BTNL8: variants seen among roughly 807,000 people sequenced by gnomAD.
The protein encoded by BTNL8 is butyrophilin-like protein 8.
BTNL8 carries 22 observed loss-of-function variants against 36.1 expected under a neutral mutation model. That is an observed-to-expected ratio of 0.61 (90% CI 0.44 to 0.87). The LOEUF (loss-of-function observed/expected upper bound fraction) is 0.87, where lower values mean the gene tolerates loss of function less well. Among genes scored for constraint, BTNL8 ranks in the 40% least tolerant of loss-of-function variants. The probability of loss-of-function intolerance (pLI) is 0.00; values close to 1 mark genes in which losing one functional copy is unlikely to be tolerated. For missense variants in BTNL8, 526 were observed against 616.9 expected, an observed-to-expected ratio of 0.85 and a Z score of 1.56; for synonymous variants, 203 against 235.6, an observed-to-expected ratio of 0.86 and a Z score of 1.27.
intron 3 of BTNL8, among the ~76,000 whole-genome samples, chr5:180,946,496 A>G (rs1759256456): frequency 6.6e-6 from 1 of 152,212 alleles, no homozygotes; most frequent in Non-Finnish European, 1.5e-5. Flanking sequence ...CATTATGCTA[A>G]GTGAAATAAG....
At chr5:180,931,863 G>A (rs1358304725) in intron 3 of BTNL8, among the ~76,000 whole-genome samples, 1 of 152,184 alleles carries the variant, frequency 6.6e-6, no homozygotes, top group Non-Finnish European at 1.5e-5. Context: ...ATTGGTGGAA[G>A]TGTAAATTAG....
chr5:180,927,881 G>A (rs1174450129), intron 3 of BTNL8, among the ~76,000 whole-genome samples: 1 of 152,148 alleles, frequency 6.6e-6, no homozygotes. Context: ...AAGTGACGGG[G>A]AGAATGGAAC....
chr5:180,949,395 G>A (rs1372839214), intron 7 of BTNL8, 130 bp downstream of exon 7: 2 of 1,326,508 alleles, frequency 1.5e-6, no homozygotes, highest in African/African-American at 1.4e-5. Context: ...GGAGAAACTG[G>A]ATGCTTGATC....
chr5:180,900,418 A>C (rs1308872068), intron 1 of BTNL8, among the ~76,000 whole-genome samples: 1 of 152,228 alleles, frequency 6.6e-6, no homozygotes, highest in African/African-American at 2.4e-5. Context: ...GAGTGCACAC[A>C]GCTGCACGGG....
rs1342397983 is a variant in BTNL8, at chr5:180,899,444, A to T, written c.49+85A>T. 2.1e-6 allele frequency: 3 copies of T among 1,455,126 alleles called. No homozygotes were observed. In the African/African-American group the frequency reaches 4.2e-5, roughly 20 times the overall value. 90.1% of individuals were successfully genotyped at this position (1,455,126 alleles called of 1,614,324 possible). ...GGTTGCAGCATAATGGAATGAAGGC[A>T]TCTTTGTCGTTTCCATTCCTTTGGC... On this transcript the variant is annotated intron_variant, in intron 1 of 7. Coordinates refer to ENST00000340184, the MANE Select transcript of BTNL8 (RefSeq NM_001040462.3).
chr5:180,947,900 G>T, intron 4 of BTNL8: 3 of 1,159,712 alleles, frequency 2.6e-6, no homozygotes, highest in Non-Finnish European at 3.6e-6. Context: ...AATTTTCCAT[G>T]AACACCACCA....
At chr5:180,903,309 G>A (rs1344883727) in intron 1 of BTNL8, among the ~76,000 whole-genome samples, 1 of 114,632 alleles carries the variant, frequency 8.7e-6, no homozygotes, top group African/African-American at 4.6e-5. Context: ...TTTTTTGGCT[G>A]CATAAATGTC....
chr5:180,931,203 A>G (rs1478762491), intron 3 of BTNL8, among the ~76,000 whole-genome samples: 2 of 152,232 alleles, frequency 1.3e-5, no homozygotes, highest in African/African-American at 4.8e-5. Context: ...AAAATAAGCA[A>G]TGGGGGAAGG....
At chr5:180,920,697 A>G (rs1757825126) in intron 3 of BTNL8, among the ~76,000 whole-genome samples, 1 of 152,118 alleles carries the variant, frequency 6.6e-6, no homozygotes, top group South Asian at 2.1e-4. Flanking sequence ...TATACCTGAT[A>G]AAGAGTTAAT....
intron 3 of BTNL8, among the ~76,000 whole-genome samples, chr5:180,921,410 T>C (rs1757853645): frequency 6.6e-6 from 1 of 151,832 alleles, no homozygotes; most frequent in Admixed American, 6.6e-5. Context: ...AAGCCAGACA[T>C]AAAAATGATC....
intron 1 of BTNL8, among the ~76,000 whole-genome samples, chr5:180,901,204 A>C (rs1428210417): frequency 6.6e-6 from 1 of 152,268 alleles, no homozygotes; most frequent in African/African-American, 2.4e-5. Flanking sequence ...AAATGTAATT[A>C]AACTAAAAAA....
chr5:180,931,612 G>GA (rs1234229320), intron 3 of BTNL8, among the ~76,000 whole-genome samples: 6 of 151,170 alleles, frequency 4.0e-5, no homozygotes, highest in East Asian at 1.9e-4. Flanking sequence ...AAATTTCCAA[G>GA]AAAAAAAACA....
At chr5:180,930,974 A>G (rs1758346795) in intron 3 of BTNL8, among the ~76,000 whole-genome samples, 1 of 152,198 alleles carries the variant, frequency 6.6e-6, no homozygotes, top group African/African-American at 2.4e-5. Flanking sequence ...TAAAGTTCAT[A>G]TGGAACCACA....
Position 180,908,701 on chromosome 5 carries a change from C to T in BTNL8, c.165C>T (p.Phe55=). 6.2e-7 allele frequency: 1 copy of T among 1,614,218 alleles called. No individual in the cohort carries two copies. The highest frequency in any genetic ancestry group is 8.5e-7 in the Non-Finnish European group (1 of 1,180,034). The change falls in exon 2 of 8, where the codon TTC becomes TTT. Residue 55 remains phenylalanine (F), a synonymous_variant. Transcript: ENST00000340184. ...ATGCAGAGGCCATGGAAGTGCGGTT[C>T]TTCAGGGGCCAGTTCTCTAGCGTGG... is the stretch of plus-strand genomic sequence containing the variant. ...KTNAEAMEVR[F]FRGQFSSVVH... is the part of the protein sequence containing the mutation.
chr5:180,949,479 A>G lies in BTNL8; in HGVS notation c.862+214A>G. The G allele has an allele frequency of 2.6e-6, 2 of 764,578 alleles. 1 individual carries two copies. Among genetic ancestry groups the G allele is most frequent in the Non-Finnish European group, 3.9e-6 (2 of 509,454 alleles). The allele number at this position is 764,578 out of a possible 1,614,324, so 47.4% of individuals were successfully genotyped here. A position where few individuals can be genotyped will look rare whatever the true frequency, so the allele number is the denominator to read the frequency against. On this transcript the variant is annotated intron_variant, in intron 7 of 7. Coordinates refer to ENST00000340184, the MANE Select transcript of BTNL8 (RefSeq NM_001040462.3). ...GAAGGGGAGAAGACAGGGGCTGGGT[A>G]AACGGGAGACGGGGGGGTCTTTGGC... is the stretch of plus-strand genomic sequence containing the variant.
Position 180,911,416 on chromosome 5 carries a change from T to C in BTNL8, c.475T>C (p.Trp159Arg). Reference sequence around the variant, plus strand: ...CCAGCTACTCTGTCAGTCCTCGGGCTGGTTCCCCCGGCCCACAGCGAAGTG... The same window carrying C: ...CCAGCTACTCTGTCAGTCCTCGGGCCGGTTCCCCCGGCCCACAGCGAAGTG... Reference protein sequence around the residue: ...DIQLLCQSSGWFPRPTAKWKG... With the variant: ...DIQLLCQSSGRFPRPTAKWKG... Residue 159 changes from tryptophan (W) to arginine (R), a missense_variant, in exon 3 of 8, where the codon TGG becomes CGG. This residue lies in a region of BTNL8 where 350 missense variants were observed against 324.6 expected (regional missense o/e 1.08). Transcript: ENST00000340184. 6.2e-7 allele frequency: 1 copy of C among 1,614,246 alleles called. No homozygotes were observed. Among genetic ancestry groups the C allele is most frequent in the South Asian group, 1.1e-5 (1 of 91,090 alleles).
At chr5:180,941,454 G>A (rs1285125467) in intron 3 of BTNL8, among the ~76,000 whole-genome samples, 3 of 152,148 alleles carry the variant, frequency 2.0e-5, no homozygotes, top group Non-Finnish European at 4.4e-5. Flanking sequence ...CATGAGGACA[G>A]TATTATCCTG....
At position 180,950,407 on chromosome 5, in the gene BTNL8, C is replaced by T. The variant is rs375876659; in HGVS notation, c.1366C>T (p.Pro456Ser). The change falls in exon 8 of 8, where the codon CCC (proline) becomes TCC (serine). Residue 456 changes from proline (P) to serine (S), a missense_variant. Physicochemically the swap from Pro to Ser is moderately conservative, Grantham distance 74. Around this residue, in one of 2 missense-constraint regions of BTNL8, gnomAD observed 176 missense variants for 292.3 expected, o/e 0.60. Transcript: ENST00000340184. Reference protein sequence around the residue: ...YPSYNEQNGTPIVICPVTQES... With the variant: ...YPSYNEQNGTSIVICPVTQES... ...GTCCTATAATGAGCAAAATGGAACTCCCATAGTCATCTGCCCAGTCACCCA... is the reference window on the plus strand; with the variant it reads ...GTCCTATAATGAGCAAAATGGAACTTCCATAGTCATCTGCCCAGTCACCCA... The T allele has an allele frequency of 6.7e-5, 98 of 1,463,186 alleles. 12 individuals carry two copies. Among genetic ancestry groups the T allele is most frequent in the South Asian group, 4.7e-4 (42 of 89,248 alleles). The allele number at this position is 1,463,186 out of a possible 1,614,324, so 90.6% of individuals were successfully genotyped here.
chr5:180,908,434 C>T (rs549908371), intron 1 of BTNL8, 152 bp from the exon 2 acceptor site: 373 of 744,170 alleles, frequency 5.0e-4, no homozygotes, highest in Non-Finnish European at 7.2e-4. Flanking sequence ...GAGATGAACC[C>T]GGTACCTCAG....
Sources: gnomAD v4.1 joint callset for allele counts (sites outside exome capture counted in the v4.1 genomes callset) on GRCh38, gnomAD v4.1.1 for gene constraint, gnomAD v4.1.1 regional missense constraint, MANE v1.5 for transcripts, NCBI Gene and HGNC (gene_info 2026-07-23, HGNC 2026-07-21) for gene names.